Variants in PRKCZ observed in about 807,000 individuals in gnomAD.
The protein encoded by PRKCZ is protein kinase C zeta type.
A neutral mutation model predicts 79.5 loss-of-function variants in PRKCZ; 33 were observed. The observed-to-expected ratio is 0.41, with a 90% CI of 0.31 to 0.55. The LOEUF (loss-of-function observed/expected upper bound fraction) is 0.55. PRKCZ is among the 20% of genes least tolerant of loss of function. The probability of loss-of-function intolerance (pLI) is 0.19; values close to 1 mark genes in which losing one functional copy is unlikely to be tolerated. For missense variants in PRKCZ, 578 were observed against 813.5 expected (o/e 0.71, Z 3.52); for synonymous variants, 342 against 320.9 (o/e 1.07, Z -0.70).
chr1:2,109,345 C>T lies in PRKCZ; in HGVS notation c.335-25917C>T, dbSNP rs1238483781. Reference sequence around the variant, plus strand: ...ACGCGCAGGGGCGATGGTCGGGGGGCACCTGGGAGCCACCTTCCCTTGTCT... The same window carrying T: ...ACGCGCAGGGGCGATGGTCGGGGGGTACCTGGGAGCCACCTTCCCTTGTCT... On this transcript the variant is annotated intron_variant, in intron 4 of 17. Transcript: ENST00000378567. 3.9e-5 allele frequency among the ~76,000 whole-genome samples: 6 copies of T among 152,288 alleles called. No homozygotes were observed. In the South Asian group the frequency reaches 1.0e-3, roughly 26 times the overall value.
Position 2,093,695 on chromosome 1 carries a change from C to A in PRKCZ, c.334+34104C>A, listed in dbSNP as rs542197864. Among the ~76,000 whole-genome samples the A allele has an allele frequency of 2.0e-5, 3 of 152,240 alleles. No homozygotes were observed. In the East Asian group the frequency reaches 5.8e-4, roughly 29 times the overall value. On this transcript the variant is annotated intron_variant, in intron 4 of 17. Coordinates refer to ENST00000378567, the MANE Select transcript of PRKCZ (RefSeq NM_002744.6). ...TTGGGACTTCAGCCCCGCCTCTGCC[C>A]CCAAACGTGGTGGGCTGAGATGGGG...
intron 17 of PRKCZ, 41 bp downstream of exon 17, chr1:2,184,739 G>A: frequency 6.4e-7 from 1 of 1,570,982 alleles, no homozygotes; most frequent in South Asian, 1.1e-5. Context: ...CACCCCTCGG[G>A]CAGCCCCATG....
At chr1:2,090,527 T>A (rs1005356753) in intron 4 of PRKCZ, among the ~76,000 whole-genome samples, 1 of 152,182 alleles carries the variant, frequency 6.6e-6, no homozygotes, top group African/African-American at 2.4e-5. Context: ...TCCAGGAGCT[T>A]AAGGCCCCTA....
Position 2,108,469 on chromosome 1 carries a change from C to T in PRKCZ, c.335-26793C>T, listed in dbSNP as rs113742821. On this transcript the variant is annotated intron_variant, in intron 4 of 17. Coordinates refer to ENST00000378567, the MANE Select transcript of PRKCZ (RefSeq NM_002744.6). ...GGCCGTGGCGGCTCCGAGGCGCCAC[C>T]GCTGTGTCCTCTCATGAGTGGGTGC... 2.6e-4 allele frequency among the ~76,000 whole-genome samples: 39 copies of T among 152,326 alleles called. No homozygotes were observed. In the South Asian group the frequency reaches 5.2e-3, roughly 20 times the overall value.
At chr1:2,079,172 G>A (rs114994885) in intron 4 of PRKCZ, among the ~76,000 whole-genome samples, 3,600 of 152,318 alleles carry the variant, frequency 0.024, 137 homozygotes, top group African/African-American at 0.082. Flanking sequence ...AGAGTGCCCT[G>A]CCCTTGTGTC....
chr1:2,061,622 C>T (rs950859691), intron 4 of PRKCZ, among the ~76,000 whole-genome samples: 1 of 152,158 alleles, frequency 6.6e-6, no homozygotes, highest in Non-Finnish European at 1.5e-5. Flanking sequence ...TCCGCCAGAG[C>T]CTCTGGGGCA....
Position 2,115,215 on chromosome 1 carries a change from G to C in PRKCZ, c.335-20047G>C, listed in dbSNP as rs984926901. On this transcript the variant is annotated intron_variant, in intron 4 of 17. Transcript: ENST00000378567. ...TTCCCGTGGTGTGGGGTGCGGTTCT[G>C]CCGTGTCCGTCCCCACTGCGGGGCT... Among the ~76,000 whole-genome samples, 15 of 152,392 alleles carry C rather than the reference G, an allele frequency of 9.8e-5. No homozygotes were observed. The East Asian group carries it at 2.3e-3, about 23-fold the overall frequency.
In PRKCZ at chr1:2,094,093, C is replaced by G. The variant is rs1210658767; in HGVS notation, c.334+34502C>G. ...GTCCTGTCCTAGCGCAGCCACATCC[C>G]TTGGGAGCCTGCTTGTCTCTAGAAC... On this transcript the variant is annotated intron_variant, in intron 4 of 17. Transcript: ENST00000378567. The surrounding 1 kb of genome is among the most constrained non-coding windows in gnomAD (Gnocchi z 7.3). Among the ~76,000 whole-genome samples the G allele has an allele frequency of 3.1e-4, 47 of 152,190 alleles. No homozygotes were observed. The highest frequency in any genetic ancestry group is 1.0e-4 in the Non-Finnish European group (7 of 68,034).
intron 5 of PRKCZ, among the ~76,000 whole-genome samples, chr1:2,137,292 C>T (rs1464367696): frequency 3.3e-5 from 5 of 152,168 alleles, no homozygotes; most frequent in Non-Finnish European, 5.9e-5. Flanking sequence ...TTGCCCCAGC[C>T]GCACTGGCAG....
intron 4 of PRKCZ, among the ~76,000 whole-genome samples, chr1:2,083,983 G>C (rs187790146): frequency 1.8e-3 from 279 of 152,324 alleles, no homozygotes; most frequent in African/African-American, 6.4e-3. Context: ...TGTAGTCCCA[G>C]CACTTTGGGA....
intron 4 of PRKCZ, among the ~76,000 whole-genome samples, chr1:2,091,827 C>T (rs1665558631): frequency 2.0e-5 from 3 of 152,216 alleles, no homozygotes; most frequent in Admixed American, 1.3e-4. Flanking sequence ...TCCGAGGGCC[C>T]TGACCCCAGG....
At position 2,149,364 on chromosome 1, in the gene PRKCZ, C is replaced by CA. The variant is rs1557681989; in HGVS notation, c.687+441dup. ...TGAGCCAAGAGGCTCAACTGAGCCTCACGTCTGTGGCCAGCTCTGCACCAT... is the reference window on the plus strand; with the variant it reads ...TGAGCCAAGAGGCTCAACTGAGCCTCAACGTCTGTGGCCAGCTCTGCACCAT... On this transcript the variant is annotated intron_variant, in intron 8 of 17. Coordinates refer to ENST00000378567, the MANE Select transcript of PRKCZ (RefSeq NM_002744.6). The surrounding 1 kb of genome is among the most constrained non-coding windows in gnomAD (Gnocchi z 4.1). Among the ~76,000 whole-genome samples, 2 of 152,240 alleles carry CA rather than the reference C, an allele frequency of 1.3e-5. No individual in the cohort carries two copies. The highest frequency in any genetic ancestry group is 4.8e-5 in the African/African-American group (2 of 41,462).
chr1:2,053,393 C>G (rs1030307776), intron 1 of PRKCZ, among the ~76,000 whole-genome samples: 6 of 152,208 alleles, frequency 3.9e-5, no homozygotes, highest in African/African-American at 1.4e-4. Flanking sequence ...GTCACCGCGC[C>G]TGGCCCAGCT....
chr1:2,081,627 G>C (rs893776424), intron 4 of PRKCZ, among the ~76,000 whole-genome samples: 1 of 152,186 alleles, frequency 6.6e-6, no homozygotes, highest in African/African-American at 2.4e-5. Flanking sequence ...TCACCACACT[G>C]TGCCCGGACT....
chr1:2,107,192 G>T (rs1326805069), intron 4 of PRKCZ, among the ~76,000 whole-genome samples: 1 of 152,270 alleles, frequency 6.6e-6, no homozygotes, highest in Non-Finnish European at 1.5e-5. Flanking sequence ...CGTGATTCGT[G>T]TAACAGTGAG....
At position 2,173,901 on chromosome 1, in the gene PRKCZ, C is replaced by T. The variant is rs1456274151; in HGVS notation, c.1290C>T (p.Phe430=). The change falls in exon 14 of 18, where the codon TTC becomes TTT. Residue 430 remains phenylalanine, a synonymous_variant. Transcript: ENST00000378567. This position sits in a 1 kb window ranked among gnomAD's most constrained non-coding sequence, Gnocchi z 5.7. ...PEILRGEEYG[F]SVDWWALGVL... ...TGGCTGTGTGCTCTCCCCCAGGGTTCAGCGTGGACTGGTGGGCGCTGGGAG... is the reference window on the plus strand; with the variant it reads ...TGGCTGTGTGCTCTCCCCCAGGGTTTAGCGTGGACTGGTGGGCGCTGGGAG... 1.2e-6 allele frequency: 2 copies of T among 1,608,034 alleles called. No individual in the cohort carries two copies. Among genetic ancestry groups the T allele is most frequent in the Non-Finnish European group, 1.7e-6 (2 of 1,176,668 alleles).
chr1:2,084,799 G>C (rs1340827465), intron 4 of PRKCZ, among the ~76,000 whole-genome samples: 1 of 152,144 alleles, frequency 6.6e-6, no homozygotes, highest in African/African-American at 2.4e-5. Flanking sequence ...GAGCTCAGGA[G>C]TTTTCAAGAC....
intron 4 of PRKCZ, chr1:2,133,691 T>G (rs1293287118): frequency 1.3e-5 from 2 of 151,556 alleles, no homozygotes; most frequent in African/African-American, 4.9e-5. Context: ...ACTCGGCCCC[T>G]CAGCTGTGCG....
At chr1:2,135,913 T>C (rs1676104790) in intron 5 of PRKCZ, among the ~76,000 whole-genome samples, 1 of 152,210 alleles carries the variant, frequency 6.6e-6, no homozygotes, top group African/African-American at 2.4e-5. Context: ...TTTGTAATTG[T>C]TCTGTTTCAC....
Sources: allele counts gnomAD v4.1 joint callset (sites outside exome capture counted in the v4.1 genomes callset), GRCh38; gene constraint gnomAD v4.1.1; non-coding constraint Gnocchi (gnomAD v3.1); transcripts MANE v1.5; gene names NCBI Gene and HGNC (gene_info 2026-07-23, HGNC 2026-07-21).